Variants in BBS9 observed in about 807,000 individuals in gnomAD.
The protein encoded by BBS9 is Bardet-Biedl syndrome 9.
In BBS9, 89 loss-of-function variants were observed where a neutral mutation model predicts 117.7. The ratio of observed to expected loss-of-function variants is 0.76; its 90% CI spans 0.64 to 0.90. BBS9 has a LOEUF of 0.90. BBS9 is among the 40% of genes least tolerant of loss of function. BBS9 has a pLI of 0.00. For missense variants in BBS9, 982 were observed against 1,042.2 expected, an observed-to-expected ratio of 0.94 and a Z score of 0.80; for synonymous variants, 379 against 370.9, an observed-to-expected ratio of 1.02 and a Z score of -0.25.
chr7:33,286,900 A>T (rs999680392), intron 9 of BBS9, among the ~76,000 whole-genome samples: 3 of 152,068 alleles, frequency 2.0e-5, no homozygotes, highest in Admixed American at 6.5e-5. Flanking sequence ...AAAAGTTTAT[A>T]TTTTCTTAGT....
chr7:33,133,846 A>G (rs1790011078), intron 1 of BBS9, among the ~76,000 whole-genome samples: 1 of 152,078 alleles, frequency 6.6e-6, no homozygotes, highest in Non-Finnish European at 1.5e-5. Flanking sequence ...GTCATATGGT[A>G]ATTCTGTGTT....
chr7:33,361,198 G>A (rs1275859475), intron 16 of BBS9, among the ~76,000 whole-genome samples: 5 of 152,098 alleles, frequency 3.3e-5, no homozygotes, highest in Non-Finnish European at 7.4e-5. Flanking sequence ...AGGGGGTTGG[G>A]AACATGTGTT....
Position 33,207,314 on chromosome 7 carries a change from TC to T in BBS9, c.442+29725del, listed in dbSNP as rs1423253396. On this transcript the variant is annotated intron_variant, in intron 5 of 22. Coordinates refer to ENST00000242067, the MANE Select transcript of BBS9 (RefSeq NM_198428.3). Reference sequence around the variant, plus strand: ...AAATGATGATTTCCAAATTGGCACTTCCTTCACATTTGTCAGTTGGTTCTCA... The same window carrying T: ...AAATGATGATTTCCAAATTGGCACTTCTTCACATTTGTCAGTTGGTTCTCA... Among the ~76,000 whole-genome samples the T allele has an allele frequency of 3.9e-5, 6 of 152,332 alleles. No individual in the cohort carries two copies. The East Asian group carries it at 1.2e-3, about 29-fold the overall frequency.
intron 19 of BBS9, among the ~76,000 whole-genome samples, chr7:33,409,893 T>C (rs1327875196): frequency 6.6e-6 from 1 of 152,172 alleles, no homozygotes; most frequent in African/African-American, 2.4e-5. Context: ...CATCTTCCTT[T>C]ATGGAAGCTT....
intron 5 of BBS9, among the ~76,000 whole-genome samples, chr7:33,210,921 T>C (rs571501775): frequency 6.6e-6 from 1 of 152,376 alleles, no homozygotes; most frequent in East Asian, 1.9e-4. Flanking sequence ...CATTGTATGA[T>C]GACCTTCTTT....
intron 4 of BBS9, among the ~76,000 whole-genome samples, chr7:33,175,496 T>G (rs1443144929): frequency 6.6e-6 from 1 of 152,146 alleles, no homozygotes; most frequent in Non-Finnish European, 1.5e-5. Flanking sequence ...CCTCAGGTGT[T>G]GGGCAGCCCT....
chr7:33,345,065 A>T (rs1817346590), intron 12 of BBS9, among the ~76,000 whole-genome samples: 1 of 152,190 alleles, frequency 6.6e-6, no homozygotes, highest in Non-Finnish European at 1.5e-5. Flanking sequence ...ACCTATGATT[A>T]TGTGGTGTTT....
intron 21 of BBS9, among the ~76,000 whole-genome samples, chr7:33,623,612 AAAC>A (rs1865512344): frequency 6.6e-6 from 1 of 151,964 alleles, no homozygotes; most frequent in African/African-American, 2.4e-5. Context: ...CCAAACCCCC[AAAC>A]CATCTAAAAA....
downstream of BBS9, among the ~76,000 whole-genome samples, chr7:33,607,005 G>T (rs547364821): frequency 2.0e-5 from 3 of 152,046 alleles, no homozygotes; most frequent in African/African-American, 7.2e-5. Flanking sequence ...ACCTTTCTTG[G>T]CATTCATCTT....
chr7:33,516,250 G>A (rs1426924653), intron 20 of BBS9, among the ~76,000 whole-genome samples: 1 of 152,008 alleles, frequency 6.6e-6, no homozygotes, highest in African/African-American at 2.4e-5. Flanking sequence ...CAGCACTTTG[G>A]GAGGCTGTGG....
chr7:33,545,924 CT>C (rs10537037), intron 21 of BBS9, among the ~76,000 whole-genome samples: 1,915 of 64,364 alleles, frequency 0.03, 2 homozygotes, highest in East Asian at 0.064. Context: ...CTTTATAATC[CT>C]TTTTTTTTTT....
At position 33,292,028 on chromosome 7, in the gene BBS9, T is replaced by G. The variant is rs537836685; in HGVS notation, c.1016+18072T>G. Among the ~76,000 whole-genome samples the G allele has an allele frequency of 3.3e-5, 5 of 152,224 alleles. No homozygotes were observed. In the South Asian group the frequency reaches 8.3e-4, roughly 25 times the overall value. The stretch of plus-strand genomic sequence containing the variant: ...TAGGGACCACCCTTATTCAGTTTCT[T>G]CATGCTTGGCAATGAGTTGATTTTC... On this transcript the variant is annotated intron_variant, in intron 9 of 22. Transcript: ENST00000242067.
chr7:33,335,507 T>G (rs1815157874), intron 9 of BBS9, among the ~76,000 whole-genome samples: 1 of 152,220 alleles, frequency 6.6e-6, no homozygotes, highest in African/African-American at 2.4e-5. Flanking sequence ...TATCACGATG[T>G]TGAATTTTTT....
chr7:33,299,571 TAATTTAGTAATATTCAC>T (rs1256419322), intron 9 of BBS9, among the ~76,000 whole-genome samples: 129 of 149,000 alleles, frequency 8.7e-4, no homozygotes, highest in African/African-American at 3.0e-3. Flanking sequence ...AATATTATTA[TAATTTAGTAATATTCAC>T]AATTTAGTAA....
chr7:33,392,885 G>A (rs376278767), intron 19 of BBS9, among the ~76,000 whole-genome samples: 6 of 152,252 alleles, frequency 3.9e-5, no homozygotes, highest in African/African-American at 4.8e-5. Flanking sequence ...AACAGAGCAG[G>A]CTGGGTATGG....
At chr7:33,163,953 C>G (rs1480803006) in intron 4 of BBS9, among the ~76,000 whole-genome samples, 1 of 152,106 alleles carries the variant, frequency 6.6e-6, no homozygotes, top group Non-Finnish European at 1.5e-5. Flanking sequence ...TTCCTGCTTT[C>G]TCTTGTGGGC....
At chr7:33,480,674 G>A (rs1040004785) in intron 19 of BBS9, among the ~76,000 whole-genome samples, 1 of 152,168 alleles carries the variant, frequency 6.6e-6, no homozygotes, top group Non-Finnish European at 1.5e-5. Flanking sequence ...GGGCTGGTGT[G>A]TATATTGTTC....
chr7:33,423,517 T>A (rs1833182818), intron 19 of BBS9, among the ~76,000 whole-genome samples: 1 of 151,858 alleles, frequency 6.6e-6, no homozygotes, highest in Admixed American at 6.6e-5. Flanking sequence ...AAGAGGGCCT[T>A]TCATATGATG....
intron 21 of BBS9, among the ~76,000 whole-genome samples, chr7:33,596,381 ATC>A (rs1862803290): frequency 1.3e-5 from 2 of 150,702 alleles, no homozygotes; most frequent in African/African-American, 2.5e-5. Context: ...CTATCTATCT[ATC>A]TATCTATCTA....
Sources: gnomAD v4.1 joint callset for allele counts (sites outside exome capture counted in the v4.1 genomes callset) on GRCh38, gnomAD v4.1.1 for gene constraint, MANE v1.5 for transcripts, NCBI Gene and HGNC (gene_info 2026-07-23, HGNC 2026-07-21) for gene names.